The following LY86 variants were observed in gnomAD, a reference collection of about 807,000 sequenced individuals.
LY86 encodes lymphocyte antigen 86.
LY86 carries 20 observed loss-of-function variants against 17.3 expected under a neutral mutation model. The observed-to-expected ratio is 1.15, with a 90% CI of 0.81 to 1.68. LY86 has a LOEUF of 1.68. LY86 is among the 40% of genes most tolerant of loss of function. LY86 has a pLI of 0.00. For missense variants in LY86, 200 were observed against 191.9 expected, an observed-to-expected ratio of 1.04 and a Z score of -0.25; for synonymous variants, 74 against 70.6, an observed-to-expected ratio of 1.05 and a Z score of -0.24.
At chr6:6,636,852 G>A (rs531310839) in intron 3 of LY86, among the ~76,000 whole-genome samples, 11 of 147,538 alleles carry the variant, frequency 7.5e-5, no homozygotes, top group Admixed American at 4.8e-4. Context: ...AAAAACAATG[G>A]TTTACTTATT....
chr6:6,603,609 A>C lies in LY86; in HGVS notation c.136+14739A>C, dbSNP rs1241954454. 3.4e-3 allele frequency among the ~76,000 whole-genome samples: 363 copies of C among 107,362 alleles called. 6 individuals are homozygous for C. The highest frequency in any genetic ancestry group is 0.011 in the African/African-American group (321 of 30,338). The allele number at this position is 107,362 out of a possible 152,430, so 70.4% of individuals were successfully genotyped here. On this transcript the variant is annotated intron_variant, in intron 1 of 4. Transcript: ENST00000230568. ...CCAAAAACAAAAACAGAAACAGAAA[A>C]AAAAACAAACAAAAAAAAACAAAAC...
chr6:6,597,942 T>C (rs6919187), intron 1 of LY86, among the ~76,000 whole-genome samples: 121,171 of 152,274 alleles, frequency 0.8, 49,676 homozygotes, highest in Non-Finnish European at 0.89. Context: ...CTACACCAGC[T>C]TCAGTGATAA....
At chr6:6,588,963 G>GA in intron 1 of LY86, 93 bp downstream of exon 1, 1 of 841,114 alleles carries the variant, frequency 1.2e-6, no homozygotes, top group Non-Finnish European at 1.7e-6. Flanking sequence ...GGGGTGGGAG[G>GA]GGAGAGGGGA....
chr6:6,596,949 A>G (rs150980051), intron 1 of LY86, among the ~76,000 whole-genome samples: 1 of 152,120 alleles, frequency 6.6e-6, no homozygotes, highest in African/African-American at 2.4e-5. Context: ...TGCAGGCAGG[A>G]AACGTTTTCC....
At chr6:6,642,172 G>A (rs3827784) in intron 3 of LY86, among the ~76,000 whole-genome samples, 53,408 of 152,186 alleles carry the variant, frequency 0.35, 10,223 homozygotes, top group East Asian at 0.5. Flanking sequence ...TATGCTGCTG[G>A]GATTCAGCCC....
At chr6:6,638,845 T>C (rs903169930) in intron 3 of LY86, among the ~76,000 whole-genome samples, 1 of 126,850 alleles carries the variant, frequency 7.9e-6, no homozygotes, top group Non-Finnish European at 1.6e-5. Context: ...AGTGTGATGT[T>C]CCCCTTCCTG....
intron 1 of LY86, among the ~76,000 whole-genome samples, chr6:6,612,389 T>A (rs1000856662): frequency 6.6e-6 from 1 of 152,196 alleles, no homozygotes. Context: ...TCATTTATTT[T>A]CCCCCAGTGG....
intron 1 of LY86, among the ~76,000 whole-genome samples, chr6:6,613,655 G>A (rs1171140406): frequency 6.6e-6 from 1 of 152,236 alleles, no homozygotes; most frequent in African/African-American, 2.4e-5. Flanking sequence ...CAAGCTGAGG[G>A]AGCCGGCTCC....
intron 1 of LY86, among the ~76,000 whole-genome samples, chr6:6,605,636 GT>G (rs1440532362): frequency 2.0e-5 from 3 of 152,240 alleles, no homozygotes; most frequent in Non-Finnish European, 4.4e-5. Flanking sequence ...ACATTCCAAT[GT>G]TTTCGCTATG....
Position 6,654,901 on chromosome 6 carries a change from G to A in LY86, c.*274G>A, listed in dbSNP as rs924505270. On this transcript the variant is annotated 3_prime_UTR_variant, in exon 5 of 5. Coordinates refer to ENST00000230568, the MANE Select transcript of LY86 (RefSeq NM_004271.4). Reference sequence around the variant, plus strand: ...GTCCATCCTTTTTCTCTAATTGGTCGCCTCCCACCAGACTCACCTGCTTTT... The same window carrying A: ...GTCCATCCTTTTTCTCTAATTGGTCACCTCCCACCAGACTCACCTGCTTTT... 6 of 393,254 alleles carry A rather than the reference G, an allele frequency of 1.5e-5. No individual in the cohort carries two copies. Among genetic ancestry groups the A allele is most frequent in the South Asian group, 5.1e-5 (1 of 19,418 alleles). The allele number at this position is 393,254 out of a possible 1,614,324, so 24.4% of individuals were successfully genotyped here.
intron 1 of LY86, among the ~76,000 whole-genome samples, chr6:6,610,617 A>AAC (rs1761308254): frequency 6.6e-6 from 1 of 151,816 alleles, no homozygotes; most frequent in Admixed American, 6.5e-5. Flanking sequence ...TGTCCCTAGG[A>AAC]ACATACCAAG....
intron 1 of LY86, among the ~76,000 whole-genome samples, chr6:6,603,632 AACACAC>A (rs540840468): frequency 8.2e-4 from 112 of 135,870 alleles, no homozygotes; most frequent in African/African-American, 2.5e-3. Flanking sequence ...AAAAAAACAA[AACACAC>A]ACACACACAC....
At chr6:6,601,181 C>G (rs1323700345) in intron 1 of LY86, among the ~76,000 whole-genome samples, 1 of 152,174 alleles carries the variant, frequency 6.6e-6, no homozygotes, top group Non-Finnish European at 1.5e-5. Context: ...TAAATACTAC[C>G]TGATCTCAGG....
chr6:6,590,709 C>T (rs1329483161), intron 1 of LY86, among the ~76,000 whole-genome samples: 1 of 152,106 alleles, frequency 6.6e-6, no homozygotes, highest in Admixed American at 6.6e-5. Context: ...GGGCAAAATG[C>T]CGTTTGAACT....
At chr6:6,604,316 G>A (rs921707919) in intron 1 of LY86, among the ~76,000 whole-genome samples, 5 of 151,968 alleles carry the variant, frequency 3.3e-5, no homozygotes, top group Admixed American at 6.6e-5. Context: ...AAAAGATACA[G>A]TATATAAAAT....
intron 3 of LY86, among the ~76,000 whole-genome samples, chr6:6,629,615 A>G (rs1303499521): frequency 2.0e-5 from 3 of 152,252 alleles, no homozygotes; most frequent in African/African-American, 7.2e-5. Flanking sequence ...TGGCATTACT[A>G]TGCATTCCTC....
Position 6,625,114 on chromosome 6 carries a change from C to T in LY86, c.223+102C>T, listed in dbSNP as rs564659647. The stretch of plus-strand genomic sequence containing the variant: ...TTAACTGTAATGACTGGCTAAACTA[C>T]TGTTCCCTCACCACTCTCTGGAATT... On this transcript the variant is annotated intron_variant, in intron 2 of 4. Coordinates refer to ENST00000230568, the MANE Select transcript of LY86 (RefSeq NM_004271.4). 3 of 568,136 alleles carry T rather than the reference C, an allele frequency of 5.3e-6. No individual in the cohort carries two copies. In the African/African-American group the frequency reaches 5.9e-5, roughly 11 times the overall value. 35.2% of individuals were successfully genotyped at this position (568,136 alleles called of 1,614,324 possible).
chr6:6,637,575 T>C (rs1761977808), intron 3 of LY86, among the ~76,000 whole-genome samples: 1 of 152,166 alleles, frequency 6.6e-6, no homozygotes, highest in Admixed American at 6.5e-5. Context: ...GATGTAATAA[T>C]CGTTTAGGAA....
intron 3 of LY86, among the ~76,000 whole-genome samples, chr6:6,646,524 C>T (rs367743918): frequency 6.6e-5 from 10 of 152,184 alleles, no homozygotes; most frequent in African/African-American, 2.4e-4. Flanking sequence ...CTTATGTCAA[C>T]CCTGGATATC....
Sources: gnomAD v4.1 joint callset for allele counts (sites outside exome capture counted in the v4.1 genomes callset) on GRCh38, gnomAD v4.1.1 for gene constraint, MANE v1.5 for transcripts, NCBI Gene and HGNC (gene_info 2026-07-23, HGNC 2026-07-21) for gene names.